SPSB4: variants seen among roughly 807,000 people sequenced by gnomAD.
SPSB4 encodes splA/ryanodine receptor domain and SOCS box containing 4.
A neutral mutation model predicts 20.9 loss-of-function variants in SPSB4; 21 were observed. The observed-to-expected ratio is 1.01, with a 90% confidence interval of 0.71 to 1.45. The LOEUF is 1.45. SPSB4 is among the 40% of genes most tolerant of loss of function. The probability of loss-of-function intolerance (pLI) is 0.00; values close to 1 mark genes in which losing one functional copy is unlikely to be tolerated. For synonymous variants in SPSB4, 207 were observed against 183.8 expected (o/e 1.13, Z -1.02); for missense variants, 399 against 399.2 (o/e 1.00, Z 0.00).
chr3:141,115,224 G>A (rs1938865021), intron 2 of SPSB4: 1 of 152,200 alleles, frequency 6.6e-6, no homozygotes, highest in South Asian at 2.1e-4. Context: ...GGATCCAACT[G>A]CGTTTGGGCC....
At chr3:141,141,678 AC>A (rs771395637) in intron 2 of SPSB4, among the ~76,000 whole-genome samples, 44 of 152,012 alleles carry the variant, frequency 2.9e-4, no homozygotes, top group Admixed American at 1.4e-3. Context: ...CTGGTCCTTG[AC>A]TTTTTTTTTG....
intron 2 of SPSB4, among the ~76,000 whole-genome samples, chr3:141,127,921 C>T (rs1939074207): frequency 6.6e-6 from 1 of 152,222 alleles, no homozygotes; most frequent in Non-Finnish European, 1.5e-5. Flanking sequence ...CAGTTCATTT[C>T]CTAGTCCTTA....
chr3:141,089,286 G>A (rs187015656), intron 2 of SPSB4, among the ~76,000 whole-genome samples: 60 of 152,346 alleles, frequency 3.9e-4, no homozygotes, highest in African/African-American at 1.3e-3. Flanking sequence ...ATGGGGATTT[G>A]CAGCCACAAA....
intron 2 of SPSB4, among the ~76,000 whole-genome samples, chr3:141,093,636 G>A (rs1201928401): frequency 2.0e-5 from 3 of 152,218 alleles, no homozygotes; most frequent in East Asian, 1.9e-4. Flanking sequence ...CCCACCCTGC[G>A]GCGCTGCAGA....
intron 2 of SPSB4, among the ~76,000 whole-genome samples, chr3:141,121,796 T>A (rs1938971507): frequency 6.6e-6 from 1 of 152,232 alleles, no homozygotes; most frequent in Non-Finnish European, 1.5e-5. Context: ...CACTGTTTAT[T>A]CTAGTTAGCC....
intron 1 of SPSB4, among the ~76,000 whole-genome samples, chr3:141,062,100 C>T (rs552715851): frequency 6.6e-6 from 1 of 152,290 alleles, no homozygotes; most frequent in African/African-American, 2.4e-5. Context: ...TGTTAGGTCT[C>T]CTTAGGGCCC....
chr3:141,131,727 T>A (rs1475919450), intron 2 of SPSB4, among the ~76,000 whole-genome samples: 1 of 152,258 alleles, frequency 6.6e-6, no homozygotes, highest in Non-Finnish European at 1.5e-5. Context: ...TACATTCCAC[T>A]GTTGATGGAC....
At chr3:141,144,096 G>A (rs1182331506) in intron 2 of SPSB4, among the ~76,000 whole-genome samples, 5 of 152,328 alleles carry the variant, frequency 3.3e-5, no homozygotes, top group Middle Eastern at 6.8e-3. Context: ...AAGCTATGCA[G>A]TTAACTCTGA....
At chr3:141,094,417 G>C (rs765730681) in intron 2 of SPSB4, among the ~76,000 whole-genome samples, 30 of 152,202 alleles carry the variant, frequency 2.0e-4, no homozygotes, top group Non-Finnish European at 4.3e-4. Context: ...CCCTCTCCAG[G>C]TGACCACGGG....
Position 141,066,589 on chromosome 3 carries a change from C to T in SPSB4, c.485C>T (p.Pro162Leu), listed in dbSNP as rs1222450992. The change falls in exon 2 of 3, where the codon CCG becomes CTG. Residue 162 changes from proline (P) to leucine (L), a missense_variant. By Grantham distance (98) the Pro-to-Leu change is moderately conservative (BLOSUM62 -3). Transcript: ENST00000310546. ...DGKNQPGVAYPAFLGPDEAFA... is the reference protein window; with the variant it reads ...DGKNQPGVAYLAFLGPDEAFA... ...AAGAACCAGCCCGGCGTGGCCTACCCGGCCTTTCTGGGGCCCGACGAGGCC... is the reference window on the plus strand; with the variant it reads ...AAGAACCAGCCCGGCGTGGCCTACCTGGCCTTTCTGGGGCCCGACGAGGCC... 1 of 1,569,140 alleles carries T rather than the reference C, an allele frequency of 6.4e-7. No homozygotes were observed.
chr3:141,065,609 A>C (rs1372080796), intron 1 of SPSB4, among the ~76,000 whole-genome samples: 1 of 152,262 alleles, frequency 6.6e-6, no homozygotes, highest in African/African-American at 2.4e-5. Flanking sequence ...CAGACCCTGA[A>C]GCCAGATGAC....
chr3:141,099,208 G>A lies in SPSB4; in HGVS notation c.694+32410G>A, dbSNP rs566167637. ...GACTTTTTTTTTTTTTTTTTGAGAC[G>A]GAGTTTCGCTCTGTCGCCCAGGCTG... On this transcript the variant is annotated intron_variant, in intron 2 of 2. Coordinates refer to ENST00000310546, the MANE Select transcript of SPSB4 (RefSeq NM_080862.3). 3.4e-5 allele frequency among the ~76,000 whole-genome samples: 5 copies of A among 147,754 alleles called. No homozygotes were observed. In the South Asian group the frequency reaches 6.4e-4, roughly 19 times the overall value.
intron 2 of SPSB4, among the ~76,000 whole-genome samples, chr3:141,089,165 T>C (rs1938403346): frequency 6.6e-6 from 1 of 152,218 alleles, no homozygotes; most frequent in Admixed American, 6.5e-5. Flanking sequence ...AGCCAGAGGC[T>C]ACTGGTCCTT....
At chr3:141,127,508 G>A (rs1256706023) in intron 2 of SPSB4, among the ~76,000 whole-genome samples, 1 of 152,202 alleles carries the variant, frequency 6.6e-6, no homozygotes, top group Admixed American at 6.5e-5. Flanking sequence ...CCCCAGGTCT[G>A]CAAGGCTCCT....
At chr3:141,136,732 G>C (rs1160508086) in intron 2 of SPSB4, among the ~76,000 whole-genome samples, 1 of 152,170 alleles carries the variant, frequency 6.6e-6, no homozygotes, top group East Asian at 1.9e-4. Context: ...GTGCTGTTTT[G>C]GTTACTGTAG....
intron 2 of SPSB4, among the ~76,000 whole-genome samples, chr3:141,075,265 A>G (rs1016530394): frequency 6.6e-6 from 1 of 152,106 alleles, no homozygotes; most frequent in Non-Finnish European, 1.5e-5. Context: ...AGTTTAGACC[A>G]GTGTCTCCCC....
At chr3:141,101,956 C>G (rs1938618629) in intron 2 of SPSB4, among the ~76,000 whole-genome samples, 1 of 152,184 alleles carries the variant, frequency 6.6e-6, no homozygotes, top group Non-Finnish European at 1.5e-5. Flanking sequence ...TCTCAAGGGC[C>G]CTTTCCTCCA....
At chr3:141,054,031 A>G (rs888572742) in intron 1 of SPSB4, among the ~76,000 whole-genome samples, 13 of 152,186 alleles carry the variant, frequency 8.5e-5, no homozygotes, top group Admixed American at 7.8e-4. Context: ...AGTTTTTCAT[A>G]CAACTGAAAC....
At chr3:141,103,754 G>A (rs530166281) in intron 2 of SPSB4, among the ~76,000 whole-genome samples, 21 of 152,128 alleles carry the variant, frequency 1.4e-4, no homozygotes, top group African/African-American at 4.6e-4. Context: ...GCAGCTGTCC[G>A]GAGCCATTCA....
Sources: gnomAD v4.1 joint callset for allele counts (sites outside exome capture counted in the v4.1 genomes callset) on GRCh38, gnomAD v4.1.1 for gene constraint, MANE v1.5 for transcripts, NCBI Gene and HGNC (gene_info 2026-07-23, HGNC 2026-07-21) for gene names.